GFRA1: variants seen among roughly 807,000 people sequenced by gnomAD.
GFRA1 encodes the protein GDNF family receptor alpha-1.
GFRA1 carries 16 observed loss-of-function variants against 51.6 expected under a neutral mutation model. The ratio of observed to expected loss-of-function variants is 0.31; its 90% CI spans 0.21 to 0.47. The LOEUF (loss-of-function observed/expected upper bound fraction) is 0.47. GFRA1 is among the 20% of genes least tolerant of loss of function. The probability of loss-of-function intolerance (pLI) is 1.00; values close to 1 mark genes in which losing one functional copy is unlikely to be tolerated. For missense variants in GFRA1, 530 were observed against 594.3 expected, an observed-to-expected ratio of 0.89 and a Z score of 1.13; for synonymous variants, 270 against 241.3, an observed-to-expected ratio of 1.12 and a Z score of -1.10.
At chr10:116,254,497 C>A (rs1968664527) in intron 4 of GFRA1, among the ~76,000 whole-genome samples, 1 of 144,540 alleles carries the variant, frequency 6.9e-6, no homozygotes. Context: ...AGAGTGAGAC[C>A]CTGACTCTAT....
Position 116,271,120 on chromosome 10 carries a change from G to C in GFRA1, c.41-5C>G. On this transcript the variant is annotated splice_region_variant and splice_polypyrimidine_tract_variant and intron_variant, in intron 2 of 10. Coordinates refer to ENST00000355422, the MANE Select transcript of GFRA1 (RefSeq NM_005264.8). ...CTTCGGCCGACAGGAGCAAGTCTGC[G>C]GGGCAGAGGGGAGGGAGCCTGAGTG... 1.9e-6 allele frequency: 3 copies of C among 1,598,340 alleles called. No homozygotes were observed. In the African/African-American group the frequency reaches 4.0e-5, roughly 21 times the overall value.
chr10:116,232,276 T>C (rs1042972434), intron 4 of GFRA1, among the ~76,000 whole-genome samples: 60 of 152,324 alleles, frequency 3.9e-4, no homozygotes, highest in African/African-American at 1.4e-3. Flanking sequence ...GAATATGCCT[T>C]ACAGGGTGTA....
intron 4 of GFRA1, among the ~76,000 whole-genome samples, chr10:116,243,166 T>G (rs1199713180): frequency 6.6e-6 from 1 of 152,218 alleles, no homozygotes; most frequent in Non-Finnish European, 1.5e-5. Context: ...ATTCAAATAT[T>G]TGTATCACAA....
intron 6 of GFRA1, among the ~76,000 whole-genome samples, chr10:116,106,211 C>T (rs760135016): frequency 1.3e-5 from 2 of 152,194 alleles, no homozygotes; most frequent in East Asian, 1.9e-4. Flanking sequence ...CAGTGAGACC[C>T]GAGTCAGACT....
At position 116,063,982 on chromosome 10, in the gene GFRA1, C is replaced by T. The variant is rs1954952262; in HGVS notation, c.*416G>A. The T allele has an allele frequency of 5.4e-6, 1 of 185,402 alleles. No homozygotes were observed. The highest frequency in any genetic ancestry group is 1.1e-5 in the Non-Finnish European group (1 of 88,910). 11.5% of individuals were successfully genotyped at this position (185,402 alleles called of 1,614,324 possible). ...TCATTAAAGGAGATATGGGAGTTAC[C>T]TTAGAAATATTAACTCCTTCTCTAG... is the stretch of plus-strand genomic sequence containing the variant. On this transcript the variant is annotated 3_prime_UTR_variant, in exon 11 of 11. Transcript: ENST00000355422.
At chr10:116,148,427 A>C (rs900904915) in intron 5 of GFRA1, among the ~76,000 whole-genome samples, 4 of 152,176 alleles carry the variant, frequency 2.6e-5, no homozygotes, top group Non-Finnish European at 4.4e-5. Context: ...CCCTGTGATC[A>C]TGCAAATGTG....
At chr10:116,094,139 G>A (rs573402973) in intron 7 of GFRA1, among the ~76,000 whole-genome samples, 24 of 152,274 alleles carry the variant, frequency 1.6e-4, no homozygotes, top group Middle Eastern at 3.4e-3. Flanking sequence ...GAGAACGCAT[G>A]AGTTGCCAAA....
chr10:116,176,193 G>C (rs759885727), intron 5 of GFRA1, among the ~76,000 whole-genome samples: 13 of 152,150 alleles, frequency 8.5e-5, no homozygotes, highest in Non-Finnish European at 1.5e-4. Context: ...CCTACTACGT[G>C]TCGGCGCTCT....
chr10:116,270,882 C>G lies in GFRA1; in HGVS notation c.274G>C (p.Gly92Arg), dbSNP rs1843862786. The G allele has an allele frequency of 6.2e-7, 1 of 1,613,920 alleles. No individual in the cohort carries two copies. The highest frequency in any genetic ancestry group is 8.5e-7 in the Non-Finnish European group (1 of 1,180,038). ...AGGCAGTTCTTCTCCTTCTTCATACCCCGCTTGCAGCGGCAGTTGTAGAGC... is the reference window on the plus strand; with the variant it reads ...AGGCAGTTCTTCTCCTTCTTCATACGCCGCTTGCAGCGGCAGTTGTAGAGC... ...KSLYNCRCKR[G>R]MKKEKNCLRI... Residue 92 changes from glycine (G) to arginine (R), a missense_variant, in exon 3 of 11, where the codon GGT (glycine) becomes CGT (arginine). Transcript: ENST00000355422.
At chr10:116,194,074 A>C (rs1247261757) in intron 5 of GFRA1, among the ~76,000 whole-genome samples, 1 of 150,994 alleles carries the variant, frequency 6.6e-6, no homozygotes, top group Admixed American at 6.6e-5. Flanking sequence ...TTTAAAAAAA[A>C]AAAAAAAAGG....
intron 4 of GFRA1, among the ~76,000 whole-genome samples, chr10:116,253,982 C>G (rs749056666): frequency 2.6e-5 from 4 of 152,052 alleles, no homozygotes; most frequent in Non-Finnish European, 5.9e-5. Context: ...ATGCCCCTCA[C>G]GCATACTCAA....
At chr10:116,230,239 G>A (rs905743659) in intron 4 of GFRA1, among the ~76,000 whole-genome samples, 5 of 152,156 alleles carry the variant, frequency 3.3e-5, no homozygotes, top group African/African-American at 1.2e-4. Flanking sequence ...GGTCTTAGTG[G>A]CTCCTCTATT....
intron 2 of GFRA1, 134 bp downstream of exon 2, chr10:116,271,856 C>T: frequency 1.3e-6 from 1 of 772,552 alleles, no homozygotes; most frequent in South Asian, 1.5e-5. Context: ...TCCCATTCCC[C>T]AAAAAGACAC....
chr10:116,206,274 G>A (rs941984499), intron 5 of GFRA1, among the ~76,000 whole-genome samples: 39 of 152,214 alleles, frequency 2.6e-4, no homozygotes, highest in African/African-American at 9.2e-4. Flanking sequence ...CATTATCAGG[G>A]GGAGCATAAT....
chr10:116,194,537 T>C (rs1244144435), intron 5 of GFRA1, among the ~76,000 whole-genome samples: 2 of 152,240 alleles, frequency 1.3e-5, no homozygotes, highest in Non-Finnish European at 2.9e-5. Flanking sequence ...GATCGAGAGC[T>C]GGGTTTCTGA....
intron 4 of GFRA1, among the ~76,000 whole-genome samples, chr10:116,238,910 A>C (rs1282767610): frequency 6.6e-6 from 1 of 152,226 alleles, no homozygotes; most frequent in Non-Finnish European, 1.5e-5. Context: ...ATTTCCCTAA[A>C]GTGAGAAAAT....
chr10:116,234,397 T>C (rs554918546), intron 4 of GFRA1, among the ~76,000 whole-genome samples: 2 of 152,218 alleles, frequency 1.3e-5, no homozygotes, highest in East Asian at 3.9e-4. Flanking sequence ...GCAGCCAGTG[T>C]TTTTCACCTG....
chr10:116,228,456 C>G (rs1455943404), intron 4 of GFRA1, among the ~76,000 whole-genome samples: 4 of 152,086 alleles, frequency 2.6e-5, no homozygotes, highest in Non-Finnish European at 5.9e-5. Flanking sequence ...TGTTCTAATC[C>G]CTGGAATCTG....
chr10:116,092,233 T>C (rs1370908161), intron 8 of GFRA1, among the ~76,000 whole-genome samples: 1 of 152,142 alleles, frequency 6.6e-6, no homozygotes, highest in African/African-American at 2.4e-5. Flanking sequence ...ACTACTTTTG[T>C]GGGTGTGAAT....
Sources: gnomAD v4.1 joint callset for allele counts (sites outside exome capture counted in the v4.1 genomes callset) on GRCh38, gnomAD v4.1.1 for gene constraint, MANE v1.5 for transcripts, NCBI Gene and HGNC (gene_info 2026-07-23, HGNC 2026-07-21) for gene names.